The following PLEKHA6 variants were observed in gnomAD, a reference collection of about 807,000 sequenced individuals.
The protein encoded by PLEKHA6 is pleckstrin homology domain containing A6, also known as pleckstrin homology domain-containing family A member 6.
PLEKHA6 carries 60 observed loss-of-function variants against 116.7 expected under a neutral mutation model. The observed-to-expected ratio is 0.51, with a 90% CI of 0.42 to 0.64. The LOEUF is 0.64. PLEKHA6 is among the 30% of genes least tolerant of loss of function. The pLI is 0.00. For missense variants in PLEKHA6, 1,338 were observed against 1,422.7 expected (o/e 0.94, Z 0.96); for synonymous variants, 489 against 556.1 (o/e 0.88, Z 1.70).
At chr1:204,274,510 C>A in intron 2 of PLEKHA6, 1 of 738,538 alleles carries the variant, frequency 1.4e-6, no homozygotes, top group Non-Finnish European at 1.7e-6. Flanking sequence ...GTGGGGTGCA[C>A]CACCCTGGCT....
At chr1:204,323,585 A>G (rs1170099765) in intron 1 of PLEKHA6, among the ~76,000 whole-genome samples, 2 of 152,366 alleles carry the variant, frequency 1.3e-5, no homozygotes, top group East Asian at 1.9e-4. Flanking sequence ...GTGAAATTAG[A>G]GGGCATTATA....
Position 204,273,665 on chromosome 1 carries a change from G to A in PLEKHA6, c.63C>T (p.Asn21=). ...ATTNSDIPNH[N]MVSEVPPERP... is the part of the protein sequence containing the mutation. The stretch of plus-strand genomic sequence containing the variant: ...GCTCTGGAGGGACCTCGGACACCAT[G>A]TTGTGGTTGGGTATGTCACTGTTGG... The change falls in exon 3 of 23, where the codon AAC becomes AAT. Residue 21 remains asparagine (N), a synonymous_variant. Transcript: ENST00000272203. 6 of 1,614,162 alleles carry A rather than the reference G, an allele frequency of 3.7e-6. No individual in the cohort carries two copies. Among genetic ancestry groups the A allele is most frequent in the African/African-American group, 1.3e-5 (1 of 75,064 alleles).
intron 1 of PLEKHA6, among the ~76,000 whole-genome samples, chr1:204,304,382 C>G (rs1482255606): frequency 6.6e-6 from 1 of 152,174 alleles, no homozygotes; most frequent in African/African-American, 2.4e-5. Flanking sequence ...TTATCACATT[C>G]TAAAGACCCG....
chr1:204,243,120 C>G, intron 15 of PLEKHA6: 1 of 399,326 alleles, frequency 2.5e-6, no homozygotes, highest in East Asian at 3.6e-5. Flanking sequence ...GTACCTGCCC[C>G]CTGGCTGTCT....
At chr1:204,225,493 C>G (rs779827516) in intron 21 of PLEKHA6, among the ~76,000 whole-genome samples, 7 of 152,234 alleles carry the variant, frequency 4.6e-5, no homozygotes, top group Non-Finnish European at 7.3e-5. Flanking sequence ...ATTCATGACA[C>G]TGTACTTTCT....
At chr1:204,233,199 T>C (rs1046365954) in intron 17 of PLEKHA6, among the ~76,000 whole-genome samples, 2 of 113,514 alleles carry the variant, frequency 1.8e-5, no homozygotes, top group African/African-American at 7.3e-5. Flanking sequence ...TTTTTTTTTT[T>C]TGTCTAGCTC....
upstream of PLEKHA6, among the ~76,000 whole-genome samples, chr1:204,364,365 A>G (rs1673613601): frequency 6.6e-6 from 1 of 152,242 alleles, no homozygotes; most frequent in Non-Finnish European, 1.5e-5. Context: ...CAGCCGTGCC[A>G]TCATGCTAAG....
At chr1:204,306,417 A>T (rs1671311229) in intron 1 of PLEKHA6, among the ~76,000 whole-genome samples, 1 of 151,594 alleles carries the variant, frequency 6.6e-6, no homozygotes, top group Non-Finnish European at 1.5e-5. Flanking sequence ...TCCACCAATC[A>T]CCTGTCTCGC....
intron 1 of PLEKHA6, among the ~76,000 whole-genome samples, chr1:204,333,875 A>C (rs1415382559): frequency 6.6e-6 from 1 of 151,958 alleles, no homozygotes; most frequent in Non-Finnish European, 1.5e-5. Flanking sequence ...TTAGCAAAAA[A>C]CTCCCTCAAA....
At chr1:204,278,500 G>T (rs1195664678) in intron 1 of PLEKHA6, among the ~76,000 whole-genome samples, 1 of 152,196 alleles carries the variant, frequency 6.6e-6, no homozygotes. Flanking sequence ...GACACTGAAA[G>T]GAAGGGGCTA....
intron 3 of PLEKHA6, among the ~76,000 whole-genome samples, chr1:204,272,844 C>T (rs577058228): frequency 6.6e-6 from 1 of 152,234 alleles, no homozygotes; most frequent in Non-Finnish European, 1.5e-5. Context: ...TTAATACATA[C>T]AGCTCCAGTT....
At chr1:204,230,376 C>T (rs1439058757) in intron 18 of PLEKHA6, 37 bp downstream of exon 18, 7 of 1,500,868 alleles carry the variant, frequency 4.7e-6, no homozygotes, top group Non-Finnish European at 9.0e-7. Context: ...TTGGCAGATG[C>T]CAGGCTCACG....
In PLEKHA6 at chr1:204,223,333, G is replaced by A. The variant is rs774746758; in HGVS notation, c.*8+129C>T. The A allele has an allele frequency of 9.3e-5, 62 of 669,748 alleles. No homozygotes were observed. The highest frequency in any genetic ancestry group is 1.6e-4 in the African/African-American group (9 of 55,850). 41.5% of individuals were successfully genotyped at this position (669,748 alleles called of 1,614,324 possible). A position where few individuals can be genotyped will look rare whatever the true frequency, so the allele number is the denominator to read the frequency against. Reference sequence around the variant, plus strand: ...GATGGATGAATGGATGGATAGTGGGGAGGAGCAGCACAGGGCACTGGGGTA... The same window carrying A: ...GATGGATGAATGGATGGATAGTGGGAAGGAGCAGCACAGGGCACTGGGGTA... On this transcript the variant is annotated intron_variant, in intron 22 of 22. Coordinates refer to ENST00000272203, the MANE Select transcript of PLEKHA6 (RefSeq NM_014935.5). The surrounding 1 kb of genome is among the most constrained non-coding windows in gnomAD (Gnocchi z 4.8).
At chr1:204,338,964 A>C (rs1425800288) in intron 1 of PLEKHA6, among the ~76,000 whole-genome samples, 1 of 152,198 alleles carries the variant, frequency 6.6e-6, no homozygotes, top group African/African-American at 2.4e-5. Context: ...CACCCCGTGC[A>C]TCCGGGCAGG....
chr1:204,306,634 C>T (rs1671337096), intron 1 of PLEKHA6, among the ~76,000 whole-genome samples: 1 of 152,182 alleles, frequency 6.6e-6, no homozygotes, highest in Admixed American at 6.5e-5. Context: ...CAACAGACAG[C>T]TTTACAGGTA....
chr1:204,321,173 G>C (rs1385305316), intron 1 of PLEKHA6, among the ~76,000 whole-genome samples: 1 of 152,070 alleles, frequency 6.6e-6, no homozygotes, highest in Non-Finnish European at 1.5e-5. Flanking sequence ...ACTACATAAA[G>C]CACCACTCAG....
chr1:204,241,297 G>A, intron 17 of PLEKHA6, 78 bp downstream of exon 17: 2 of 855,084 alleles, frequency 2.3e-6, no homozygotes, highest in Admixed American at 4.3e-5. Flanking sequence ...AACAGCAGAG[G>A]GAGATGAGTA....
Position 204,376,236 on chromosome 1 carries a change from C to T in PLEKHA6, c.83+1347G>A, listed in dbSNP as rs373165402. On this transcript the variant is annotated intron_variant, in intron 1 of 4. Coordinates refer to the PLEKHA6 transcript ENST00000564627. ...ATCAGGAAGAAAGAAGAGAATGAAC[C>T]ACTTCATCAGTATACCTGAGGGGCT... Among the ~76,000 whole-genome samples the T allele has an allele frequency of 4.6e-5, 7 of 152,216 alleles. No homozygotes were observed. In the East Asian group the frequency reaches 7.7e-4, roughly 17 times the overall value.
upstream of PLEKHA6, among the ~76,000 whole-genome samples, chr1:204,363,820 C>A (rs565441400): frequency 6.6e-6 from 1 of 152,172 alleles, no homozygotes; most frequent in South Asian, 2.1e-4. Context: ...CCTTGTGGGG[C>A]CATCATGTGT....
Sources: allele counts gnomAD v4.1 joint callset (sites outside exome capture counted in the v4.1 genomes callset), GRCh38; gene constraint gnomAD v4.1.1; non-coding constraint Gnocchi (gnomAD v3.1); transcripts MANE v1.5; gene names NCBI Gene and HGNC (gene_info 2026-07-23, HGNC 2026-07-21).